The following CDC14B variants were observed in gnomAD, a reference collection of about 807,000 sequenced individuals.
The protein encoded by CDC14B is dual specificity protein phosphatase CDC14B.
In CDC14B, 22 loss-of-function variants were observed where a neutral mutation model predicts 64.2. The ratio of observed to expected loss-of-function variants is 0.34; its 90% CI spans 0.24 to 0.49. The LOEUF (loss-of-function observed/expected upper bound fraction) is 0.49. CDC14B is among the 20% of genes least tolerant of loss of function. The probability of loss-of-function intolerance (pLI) is 0.99; values close to 1 mark genes in which losing one functional copy is unlikely to be tolerated. For missense variants in CDC14B, 498 were observed against 629.9 expected (o/e 0.79, Z 2.24); for synonymous variants, 191 against 215.8 (o/e 0.89, Z 1.01).
At chr9:96,607,083 T>TA (rs151122830) in intron 1 of CDC14B, among the ~76,000 whole-genome samples, 8,273 of 151,192 alleles carry the variant, frequency 0.055, 546 homozygotes, top group African/African-American at 0.16. Flanking sequence ...GAGCTTTGAT[T>TA]AAAAAAAACA....
chr9:96,594,436 G>A (rs577321824), intron 1 of CDC14B, among the ~76,000 whole-genome samples: 30 of 151,966 alleles, frequency 2.0e-4, no homozygotes, highest in Non-Finnish European at 3.4e-4. Context: ...CCAGGAGAGG[G>A]TGGCCGCAGT....
downstream of CDC14B, among the ~76,000 whole-genome samples, chr9:96,498,646 A>G (rs13302712): frequency 0.068 from 10,348 of 152,342 alleles, 581 homozygotes; most frequent in South Asian, 0.28. Flanking sequence ...GTAATCTGCT[A>G]TCAGTCATTC....
intron 4 of CDC14B, among the ~76,000 whole-genome samples, chr9:96,552,076 A>G (rs1319498422): frequency 3.3e-5 from 5 of 152,218 alleles, no homozygotes; most frequent in Admixed American, 2.0e-4. Flanking sequence ...TGTTTGCAGT[A>G]TAAGCCCTGA....
At chr9:96,583,488 C>G (rs917015092) in intron 1 of CDC14B, among the ~76,000 whole-genome samples, 9 of 149,964 alleles carry the variant, frequency 6.0e-5, no homozygotes, top group African/African-American at 1.7e-4. Context: ...CCTCCACCTT[C>G]CGGGTTCAAG....
At chr9:96,584,411 T>G (rs1002833050) in intron 1 of CDC14B, among the ~76,000 whole-genome samples, 1 of 152,148 alleles carries the variant, frequency 6.6e-6, no homozygotes. Flanking sequence ...ATGGTATCAC[T>G]AATATGCCCT....
At chr9:96,604,869 C>T (rs1846778604) in intron 1 of CDC14B, among the ~76,000 whole-genome samples, 1 of 152,070 alleles carries the variant, frequency 6.6e-6, no homozygotes, top group African/African-American at 2.4e-5. Flanking sequence ...GGGGTTTCAC[C>T]ATGTTGGCCA....
chr9:96,536,248 C>A (rs993904102), intron 7 of CDC14B, among the ~76,000 whole-genome samples: 1 of 152,158 alleles, frequency 6.6e-6, no homozygotes, highest in African/African-American at 2.4e-5. Flanking sequence ...TTGTGGTGTG[C>A]CCCTGCTACC....
At chr9:96,545,826 T>C (rs1452910797) in intron 5 of CDC14B, among the ~76,000 whole-genome samples, 3 of 151,912 alleles carry the variant, frequency 2.0e-5, no homozygotes, top group African/African-American at 7.3e-5. Flanking sequence ...TCATAGAATC[T>C]GAATATACGA....
chr9:96,502,621 T>A lies in CDC14B; in HGVS notation c.*1132A>T. 3.0e-6 allele frequency: 1 copy of A among 328,774 alleles called. No homozygotes were observed. Among genetic ancestry groups the A allele is most frequent in the Non-Finnish European group, 5.4e-6 (1 of 183,702 alleles). The allele number at this position is 328,774 out of a possible 1,614,324, so 20.4% of individuals were successfully genotyped here. On this transcript the variant is annotated 3_prime_UTR_variant, in exon 14 of 14. Coordinates refer to ENST00000375241, the MANE Select transcript of CDC14B (RefSeq NM_033331.4). ...TTTTTTTTTTTTTTTTAGCAGCACA[T>A]CAATTCTGTTTCTGTAACTGCTTCA...
intron 1 of CDC14B, among the ~76,000 whole-genome samples, chr9:96,596,387 A>C (rs1247979056): frequency 2.6e-5 from 4 of 151,540 alleles, no homozygotes; most frequent in Non-Finnish European, 5.9e-5. Flanking sequence ...AAAACACACA[A>C]AAAGACATGA....
chr9:96,599,103 G>C (rs1281599724), intron 1 of CDC14B, among the ~76,000 whole-genome samples: 1 of 152,134 alleles, frequency 6.6e-6, no homozygotes, highest in Non-Finnish European at 1.5e-5. Context: ...CTTAGAGCCG[G>C]GTGTGGTGGC....
chr9:96,503,201 A>G lies in CDC14B; in HGVS notation c.*552T>C. ...TGTTAATAAAGCACTCTTTGGTGGA[A>G]GACAAGCAGCTTGGGTACTTAACAG... On this transcript the variant is annotated 3_prime_UTR_variant, in exon 14 of 14. Coordinates refer to ENST00000375241, the MANE Select transcript of CDC14B (RefSeq NM_033331.4). 1 of 282,606 alleles carries G rather than the reference A, an allele frequency of 3.5e-6. No homozygotes were observed. The highest frequency in any genetic ancestry group is 1.7e-4 in the South Asian group (1 of 6,012). 17.5% of individuals were successfully genotyped at this position (282,606 alleles called of 1,614,324 possible).
intron 5 of CDC14B, among the ~76,000 whole-genome samples, chr9:96,549,580 G>A (rs1226385288): frequency 1.3e-5 from 2 of 152,006 alleles, no homozygotes; most frequent in South Asian, 2.1e-4. Context: ...CAGAAGAATC[G>A]CTTGAACTTG....
At chr9:96,548,294 A>C (rs796933209) in intron 5 of CDC14B, among the ~76,000 whole-genome samples, 32 of 152,306 alleles carry the variant, frequency 2.1e-4, no homozygotes, top group African/African-American at 6.0e-4. Context: ...GGCAAGCCCC[A>C]CACACACAAA....
intron 5 of CDC14B, among the ~76,000 whole-genome samples, chr9:96,545,635 T>G (rs1840701420): frequency 6.6e-6 from 1 of 152,064 alleles, no homozygotes; most frequent in South Asian, 2.1e-4. Context: ...CTTCTTAACC[T>G]ACTGATAATC....
chr9:96,505,720 G>C lies in CDC14B; in HGVS notation c.1461-1931C>G, dbSNP rs890937282. Among the ~76,000 whole-genome samples, 3 of 152,210 alleles carry C rather than the reference G, an allele frequency of 2.0e-5. 1 individual carries two copies. Among genetic ancestry groups the C allele is most frequent in the Non-Finnish European group, 4.4e-5 (3 of 68,038 alleles). On this transcript the variant is annotated intron_variant, in intron 13 of 13. Coordinates refer to ENST00000375241, the MANE Select transcript of CDC14B (RefSeq NM_033331.4). ...ACTCACCTCCCTCTCCAGACTCAGGGAAGGGAATGAGAAGGTGCCACACAG... is the reference window on the plus strand; with the variant it reads ...ACTCACCTCCCTCTCCAGACTCAGGCAAGGGAATGAGAAGGTGCCACACAG...
At chr9:96,562,906 GA>G (rs2132277249) in intron 3 of CDC14B, 121 bp from the exon 4 acceptor site, 1 of 687,518 alleles carries the variant, frequency 1.5e-6, no homozygotes, top group African/African-American at 1.8e-5. Context: ...CAAGACCTTT[GA>G]AAAGATTAAC....
At chr9:96,533,824 G>A (rs1380103289) in intron 9 of CDC14B, 103 bp downstream of exon 9, 1 of 637,508 alleles carries the variant, frequency 1.6e-6, no homozygotes, top group Non-Finnish European at 2.5e-6. Context: ...AAAAATAAAG[G>A]CAGTTTCATG....
rs962287709 is a variant in CDC14B, at chr9:96,519,494, G to A, written c.1343+3012C>T. On this transcript the variant is annotated intron_variant, in intron 12 of 13. Coordinates refer to ENST00000375241, the MANE Select transcript of CDC14B (RefSeq NM_033331.4). ...TTCATGCCTGTAATCCTAGCACTTT[G>A]GGAGGCTGAGGTGGGTGTACCACTT... 6.6e-5 allele frequency among the ~76,000 whole-genome samples: 10 copies of A among 152,240 alleles called. No individual in the cohort carries two copies. In the East Asian group the frequency reaches 1.7e-3, roughly 26 times the overall value.
Sources: allele counts gnomAD v4.1 joint callset (sites outside exome capture counted in the v4.1 genomes callset), GRCh38; gene constraint gnomAD v4.1.1; transcripts MANE v1.5; gene names NCBI Gene and HGNC (gene_info 2026-07-23, HGNC 2026-07-21).